The following SEC14L4 variants were observed in gnomAD, a reference collection of about 807,000 sequenced individuals.
SEC14L4 encodes the protein SEC14-like protein 4.
A neutral mutation model predicts 55.1 loss-of-function variants in SEC14L4; 42 were observed. The observed-to-expected ratio is 0.76, with a 90% confidence interval of 0.60 to 0.99. The LOEUF is 0.99. SEC14L4 is among the 50% of genes least tolerant of loss of function. SEC14L4 has a pLI of 0.00. For synonymous variants in SEC14L4, 206 were observed against 206.8 expected (o/e 1.00, Z 0.03); for missense variants, 445 against 512.1 (o/e 0.87, Z 1.27).
intron 2 of SEC14L4, among the ~76,000 whole-genome samples, chr22:30,499,373 G>A (rs999564245): frequency 1.3e-5 from 2 of 151,248 alleles, no homozygotes; most frequent in Admixed American, 6.6e-5. Context: ...GTGAGCCACC[G>A]CACCTGGCCT....
In SEC14L4 at chr22:30,503,764, A is replaced by G; in HGVS notation, c.55-12T>C. On this transcript the variant is annotated splice_polypyrimidine_tract_variant and intron_variant, in intron 1 of 11. Transcript: ENST00000255858. ...AGGTTCTCCCGGAACTGAGCGGAGG[A>G]GGATCTGATGGTCGGCGGAGCTCTC... The G allele has an allele frequency of 1.2e-6, 2 of 1,609,604 alleles. No homozygotes were observed. Among genetic ancestry groups the G allele is most frequent in the Non-Finnish European group, 1.7e-6 (2 of 1,177,132 alleles).
rs554458992 is a variant in SEC14L4, at chr22:30,491,821, C to T, written c.911+13G>A. 2 of 1,611,432 alleles carry T rather than the reference C, an allele frequency of 1.2e-6. No homozygotes were observed. Among genetic ancestry groups the T allele is most frequent in the East Asian group, 2.2e-5 (1 of 44,816 alleles). On this transcript the variant is annotated intron_variant, in intron 10 of 11. Coordinates refer to ENST00000255858, the MANE Select transcript of SEC14L4 (RefSeq NM_174977.4). ...CCAGATGTGCCCAGGTGTAGAGTGG[C>T]TGCCATCCCTACCTGAGCACACAGC... is the stretch of plus-strand genomic sequence containing the variant.
rs375976945 is a variant in SEC14L4, at chr22:30,495,217, T to C, written c.423+37A>G. 87 of 1,548,010 alleles carry C rather than the reference T, an allele frequency of 5.6e-5. No individual in the cohort carries two copies. The African/African-American group carries it at 1.0e-3, about 18-fold the overall frequency. On this transcript the variant is annotated intron_variant, in intron 5 of 11. Coordinates refer to ENST00000255858, the MANE Select transcript of SEC14L4 (RefSeq NM_174977.4). ...CTTCTCTGGTCCTGGTGCCACCCTG[T>C]AGACAGATGAGGCCCAGCCCCACCC...
intron 1 of SEC14L4, among the ~76,000 whole-genome samples, chr22:30,504,358 A>G (rs1344207616): frequency 2.0e-5 from 3 of 152,122 alleles, no homozygotes; most frequent in East Asian, 1.9e-4. Context: ...CCCGACTGAC[A>G]GCCTTATTTC....
At position 30,490,221 on chromosome 22, in the gene SEC14L4, G is replaced by A. The variant is rs776033933; in HGVS notation, c.1107C>T (p.Tyr369=). 7 of 1,613,838 alleles carry A rather than the reference G, an allele frequency of 4.3e-6. No individual in the cohort carries two copies. In the South Asian group the frequency reaches 6.6e-5, roughly 15 times the overall value. The change falls in exon 12 of 12, where the codon TAC becomes TAT. Residue 369 remains tyrosine (Y), a synonymous_variant. Transcript: ENST00000255858. ...TGAGCTTCTTGGCATGCATCCGGCT[G>A]TAGGTGTTGTCGAAGCGCAGGACAT... The part of the protein sequence containing the change: ...GVYVLRFDNT[Y]SRMHAKKLSY...
rs1356594143 is a variant in SEC14L4 at position 30,505,676 on chromosome 22, A to T, written c.-65T>A. 6.9e-7 allele frequency: 1 copy of T among 1,449,914 alleles called. No individual in the cohort carries two copies. Among genetic ancestry groups the T allele is most frequent in the East Asian group, 2.5e-5 (1 of 40,342 alleles). 89.8% of individuals were successfully genotyped at this position (1,449,914 alleles called of 1,614,324 possible). ...CCCGCCCGCCGCCGCCTGGCCTTGTATCCGCTGCCGCCTGGTTGTGCCTCC... is the reference window on the plus strand; with the variant it reads ...CCCGCCCGCCGCCGCCTGGCCTTGTTTCCGCTGCCGCCTGGTTGTGCCTCC... On this transcript the variant is annotated 5_prime_UTR_variant, in exon 1 of 12. Coordinates refer to ENST00000255858, the MANE Select transcript of SEC14L4 (RefSeq NM_174977.4).
intron 2 of SEC14L4, among the ~76,000 whole-genome samples, chr22:30,500,790 A>C (rs1601855482): frequency 1.3e-5 from 1 of 78,692 alleles, no homozygotes; most frequent in Non-Finnish European, 2.5e-5. Context: ...TTTTAGTAAC[A>C]CCTACTATGC....
chr22:30,494,947 G>A lies in SEC14L4; in HGVS notation c.438C>T (p.Ile146=), dbSNP rs200688384. The change falls in exon 6 of 12, where the codon ATC becomes ATT. Residue 146 remains isoleucine (I), a synonymous_variant. Coordinates refer to ENST00000255858, the MANE Select transcript of SEC14L4 (RefSeq NM_174977.4). ...TGTCAAACACCATCAGCGCCATCTC[G>A]ATCTTCCTGCCCAGCTGCTTGGGAC... is the stretch of plus-strand genomic sequence containing the variant. ...ELQTQKLGRK[I]EMALMVFDME... 2.1e-5 allele frequency: 34 copies of A among 1,613,254 alleles called. No individual in the cohort carries two copies. The highest frequency in any genetic ancestry group is 1.1e-4 in the East Asian group (5 of 44,838).
intron 2 of SEC14L4, among the ~76,000 whole-genome samples, chr22:30,499,404 T>C (rs1196255698): frequency 6.6e-6 from 1 of 151,724 alleles, no homozygotes; most frequent in Non-Finnish European, 1.5e-5. Context: ...TCTTTATATC[T>C]ACATTCATAA....
At chr22:30,494,249 A>T in intron 6 of SEC14L4, 39 bp from the exon 7 acceptor site, 1 of 1,538,468 alleles carries the variant, frequency 6.5e-7, no homozygotes, top group Non-Finnish European at 9.0e-7. Context: ...GCTCTGTTCC[A>T]TCACCTCCCG....
intron 2 of SEC14L4, among the ~76,000 whole-genome samples, chr22:30,502,145 C>A (rs920103100): frequency 6.6e-6 from 1 of 151,304 alleles, no homozygotes; most frequent in Non-Finnish European, 1.5e-5. Context: ...GGATTACAAG[C>A]GTGAACCACA....
chr22:30,492,888 A>T, intron 7 of SEC14L4: 1 of 249,784 alleles, frequency 4.0e-6, no homozygotes. Flanking sequence ...GTTCAAGACC[A>T]GCCTGGCCAA....
At chr22:30,498,541 A>C (rs1480272260) in intron 2 of SEC14L4, among the ~76,000 whole-genome samples, 1 of 152,162 alleles carries the variant, frequency 6.6e-6, no homozygotes, top group Non-Finnish European at 1.5e-5. Flanking sequence ...TCTTTCTACC[A>C]ATTGATATTT....
At chr22:30,498,245 C>A (rs1468753543) in intron 2 of SEC14L4, among the ~76,000 whole-genome samples, 1 of 151,318 alleles carries the variant, frequency 6.6e-6, no homozygotes, top group African/African-American at 2.4e-5. Flanking sequence ...GCCTCAGCCT[C>A]CTGAGTAGCT....
rs371267034 is a variant in SEC14L4 at position 30,505,686 on chromosome 22, G to C, written c.-75C>G. On this transcript the variant is annotated 5_prime_UTR_variant, in exon 1 of 12. Coordinates refer to ENST00000255858, the MANE Select transcript of SEC14L4 (RefSeq NM_174977.4). Reference sequence around the variant, plus strand: ...GCCGCCTGGCCTTGTATCCGCTGCCGCCTGGTTGTGCCTCCTGGGCCAGAT... The same window carrying C: ...GCCGCCTGGCCTTGTATCCGCTGCCCCCTGGTTGTGCCTCCTGGGCCAGAT... The C allele has an allele frequency of 7.3e-7, 1 of 1,361,650 alleles. No individual in the cohort carries two copies. The highest frequency in any genetic ancestry group is 9.9e-7 in the Non-Finnish European group (1 of 1,006,676). The allele number at this position is 1,361,650 out of a possible 1,614,324, so 84.3% of individuals were successfully genotyped here.
At chr22:30,493,680 A>T (rs1194546161) in intron 7 of SEC14L4, among the ~76,000 whole-genome samples, 1 of 152,212 alleles carries the variant, frequency 6.6e-6, no homozygotes, top group East Asian at 1.9e-4. Context: ...TATTACAAAA[A>T]TATCAGTCTG....
chr22:30,502,438 C>G (rs532285753), intron 2 of SEC14L4, among the ~76,000 whole-genome samples: 1 of 152,348 alleles, frequency 6.6e-6, no homozygotes, highest in South Asian at 2.1e-4. Flanking sequence ...AAACCCTGCA[C>G]TGTATGTATG....
At chr22:30,501,540 G>T (rs963021751) in intron 2 of SEC14L4, among the ~76,000 whole-genome samples, 5 of 152,158 alleles carry the variant, frequency 3.3e-5, no homozygotes, top group Non-Finnish European at 5.9e-5. Context: ...AATAGAAAGT[G>T]CCACAGCCAA....
At chr22:30,503,514 C>G (rs1194072149) in intron 2 of SEC14L4, among the ~76,000 whole-genome samples, 163 bp downstream of exon 2, 1 of 152,044 alleles carries the variant, frequency 6.6e-6, no homozygotes, top group Non-Finnish European at 1.5e-5. Context: ...CTGCCTGCCT[C>G]GGCCTCCCAA....
Sources: gnomAD v4.1 joint callset for allele counts (sites outside exome capture counted in the v4.1 genomes callset) on GRCh38, gnomAD v4.1.1 for gene constraint, MANE v1.5 for transcripts, NCBI Gene and HGNC (gene_info 2026-07-23, HGNC 2026-07-21) for gene names.